Variants in IL1RAPL2 observed in about 807,000 individuals in gnomAD.
The protein encoded by IL1RAPL2 is interleukin 1 receptor accessory protein like 2, also known as X-linked interleukin-1 receptor accessory protein-like 2.
IL1RAPL2 carries 3 observed loss-of-function variants against 44.1 expected under a neutral mutation model. The ratio of observed to expected loss-of-function variants is 0.07; its 90% confidence interval spans 0.03 to 0.18. IL1RAPL2 has a LOEUF of 0.18. Ranked by LOEUF, IL1RAPL2 falls within the 10% of genes least tolerant of loss-of-function variation. The pLI is 1.00. For synonymous variants in IL1RAPL2, 181 were observed against 178.8 expected (o/e 1.01, Z -0.10); for missense variants, 391 against 496.4 (o/e 0.79, Z 2.02).
At chrX:105,572,213 C>T (rs779643990) in intron 6 of IL1RAPL2, among the ~76,000 whole-genome samples, 1 of 111,474 alleles carries the variant, frequency 9.0e-6, no homozygotes, top group South Asian at 3.7e-4. Flanking sequence ...ACCACAAACA[C>T]CCAGAAACAG....
chrX:105,034,504 G>T (rs1165511708), intron 2 of IL1RAPL2, among the ~76,000 whole-genome samples: 2 of 112,452 alleles, frequency 1.8e-5, no homozygotes, highest in South Asian at 3.7e-4. Context: ...GACCCTGTTT[G>T]CCTGGGTATC....
intron 6 of IL1RAPL2, among the ~76,000 whole-genome samples, chrX:105,673,763 G>C (rs1420293304): frequency 8.9e-6 from 1 of 111,918 alleles, no homozygotes; most frequent in East Asian, 2.8e-4. Flanking sequence ...CACAATGGTT[G>C]AACTAATTTA....
At chrX:105,497,843 C>T (rs774250721) in intron 6 of IL1RAPL2, among the ~76,000 whole-genome samples, 16 of 112,138 alleles carry the variant, frequency 1.4e-4, no homozygotes, top group African/African-American at 3.9e-4. Flanking sequence ...ACATGAATAT[C>T]TCAATAGATA....
chrX:105,683,589 G>T (rs1330218810), intron 6 of IL1RAPL2, among the ~76,000 whole-genome samples: 2 of 109,930 alleles, frequency 1.8e-5, no homozygotes, highest in African/African-American at 6.6e-5. Flanking sequence ...AGCTTTAAGT[G>T]CACAAAGAGA....
intron 2 of IL1RAPL2, among the ~76,000 whole-genome samples, chrX:104,663,295 GGACTCTTATA>G (rs1457834957): frequency 9.0e-6 from 1 of 111,189 alleles, no homozygotes; most frequent in Non-Finnish European, 1.9e-5. Flanking sequence ...AGCTAGAAAG[GGACTCTTATA>G]CCACTTCCAA....
At chrX:105,259,786 A>C (rs1383025401) in intron 4 of IL1RAPL2, among the ~76,000 whole-genome samples, 1 of 111,499 alleles carries the variant, frequency 9.0e-6, no homozygotes, top group Non-Finnish European at 1.9e-5. Flanking sequence ...AGAGGTTTTC[A>C]GTTGTCCTTG....
At chrX:104,756,884 G>A (rs1932348835) in intron 2 of IL1RAPL2, among the ~76,000 whole-genome samples, 1 of 109,741 alleles carries the variant, frequency 9.1e-6, no homozygotes, top group Non-Finnish European at 1.9e-5. Context: ...GCCCTGAGAC[G>A]AGAGCATGCC....
chrX:105,368,879 C>A lies in IL1RAPL2; in HGVS notation c.697+101338C>A, dbSNP rs756115066. Among the ~76,000 whole-genome samples, 3 of 109,748 alleles carry A rather than the reference C, an allele frequency of 2.7e-5. No homozygotes were observed. The South Asian group carries it at 1.2e-3, about 42-fold the overall frequency. On this transcript the variant is annotated intron_variant, in intron 5 of 10. Transcript: ENST00000372582. The stretch of plus-strand genomic sequence containing the variant: ...TGGGCTGTCTTTAATCTTTTTTATT[C>A]TTTTCCCTTTTTGCTTCTCAGATTG...
At chrX:105,738,090 G>A (rs1452225813) in intron 7 of IL1RAPL2, among the ~76,000 whole-genome samples, 1 of 111,285 alleles carries the variant, frequency 9.0e-6, no homozygotes, top group East Asian at 2.9e-4. Context: ...AGCCCTTCCT[G>A]CTCTCAAATG....
At chrX:104,636,812 C>G (rs979849070) in intron 1 of IL1RAPL2, among the ~76,000 whole-genome samples, 1 of 112,255 alleles carries the variant, frequency 8.9e-6, no homozygotes, top group Non-Finnish European at 1.9e-5. Context: ...ATGCCTCGCC[C>G]TGCTTTGGCT....
chrX:104,755,967 A>C (rs1362053276), intron 2 of IL1RAPL2, among the ~76,000 whole-genome samples: 1 of 111,467 alleles, frequency 9.0e-6, no homozygotes, highest in Admixed American at 9.6e-5. Flanking sequence ...ATCTCTGGGG[A>C]CTTTGAGGGA....
chrX:104,916,545 T>C (rs1031796426), intron 2 of IL1RAPL2, among the ~76,000 whole-genome samples: 113 of 111,565 alleles, frequency 1.0e-3, no homozygotes, highest in African/African-American at 3.4e-3. Flanking sequence ...CTTTTCCTAA[T>C]TGAATACCCT....
chrX:105,503,425 C>G lies in IL1RAPL2; in HGVS notation c.772+19038C>G, dbSNP rs746259182. Among the ~76,000 whole-genome samples, 306 of 111,638 alleles carry G rather than the reference C, an allele frequency of 2.7e-3. 1 individual carries two copies. Among genetic ancestry groups the G allele is most frequent in the Non-Finnish European group, 4.6e-3 (243 of 53,060 alleles). On this transcript the variant is annotated intron_variant, in intron 6 of 10. Transcript: ENST00000372582. ...TTGATTTATATTAATGCGCTTTGGT[C>G]TTGGTAGACCAGAATTTCCAGTTCT...
At chrX:104,926,093 G>A (rs925654021) in intron 2 of IL1RAPL2, among the ~76,000 whole-genome samples, 1 of 111,876 alleles carries the variant, frequency 8.9e-6, no homozygotes, top group Non-Finnish European at 1.9e-5. Context: ...GAAAACAAAT[G>A]AGCAACAAAT....
At chrX:104,760,597 A>G (rs1204039802) in intron 2 of IL1RAPL2, among the ~76,000 whole-genome samples, 2 of 112,003 alleles carry the variant, frequency 1.8e-5, no homozygotes, top group African/African-American at 6.5e-5. Flanking sequence ...AGAAATGTCT[A>G]TTCAAATATT....
At chrX:105,594,884 G>C (rs2037197251) in intron 6 of IL1RAPL2, among the ~76,000 whole-genome samples, 1 of 111,371 alleles carries the variant, frequency 9.0e-6, no homozygotes, top group South Asian at 3.7e-4. Context: ...CAGAATACAA[G>C]AGGGGAGAGA....
chrX:104,869,515 C>A (rs1361106041), intron 2 of IL1RAPL2, among the ~76,000 whole-genome samples: 3 of 111,314 alleles, frequency 2.7e-5, no homozygotes, highest in Non-Finnish European at 5.7e-5. Flanking sequence ...CTGTATAATT[C>A]TTTTTTTGCT....
chrX:105,499,828 A>G (rs1368370361), intron 6 of IL1RAPL2, among the ~76,000 whole-genome samples: 1 of 112,087 alleles, frequency 8.9e-6, no homozygotes, highest in Non-Finnish European at 1.9e-5. Flanking sequence ...TGCAGCCTCA[A>G]TGGGAAACAG....
At chrX:104,620,684 C>T (rs1193428735) in intron 1 of IL1RAPL2, among the ~76,000 whole-genome samples, 1 of 87,754 alleles carries the variant, frequency 1.1e-5, no homozygotes, top group South Asian at 7.2e-4. Flanking sequence ...ATGGTATACT[C>T]TTGGGTGAGG....
Sources: gnomAD v4.1 joint callset for allele counts (sites outside exome capture counted in the v4.1 genomes callset) on GRCh38, gnomAD v4.1.1 for gene constraint, MANE v1.5 for transcripts, NCBI Gene and HGNC (gene_info 2026-07-23, HGNC 2026-07-21) for gene names.